GPR161: variants seen among roughly 807,000 people sequenced by gnomAD.
GPR161 encodes the protein G protein-coupled receptor 161.
Under a neutral mutation model 39.2 loss-of-function variants are expected in GPR161, and 25 were observed. That is an observed-to-expected ratio of 0.64 (90% confidence interval 0.47 to 0.89). The LOEUF is 0.89. Ranked by LOEUF, GPR161 falls within the 40% of genes least tolerant of loss-of-function variation. The probability of loss-of-function intolerance (pLI) is 0.00; values close to 1 mark genes in which losing one functional copy is unlikely to be tolerated. For synonymous variants in GPR161, 286 were observed against 276.6 expected, an observed-to-expected ratio of 1.03 and a Z score of -0.34; for missense variants, 547 against 677.8, an observed-to-expected ratio of 0.81 and a Z score of 2.14.
chr1:168,123,434 G>C (rs1403266434), intron 1 of GPR161, among the ~76,000 whole-genome samples: 1 of 151,768 alleles, frequency 6.6e-6, no homozygotes. Flanking sequence ...CCCCAGCCTG[G>C]GCAACAGAGC....
rs1359645000 is a variant in GPR161, at chr1:168,084,779, A to T, written c.*752T>A. The T allele has an allele frequency of 4.0e-5, 18 of 447,220 alleles. No homozygotes were observed. The highest frequency in any genetic ancestry group is 2.8e-4 in the Admixed American group (11 of 39,776). The allele number at this position is 447,220 out of a possible 1,614,324, so 27.7% of individuals were successfully genotyped here. ...ACGTCTTAAATGGATTTTTTTTTTA[A>T]TTCTGGAAATGAAACACCTAGTACC... On this transcript the variant is annotated 3_prime_UTR_variant, in exon 6 of 6. Coordinates refer to ENST00000682931, the MANE Select transcript of GPR161 (RefSeq NM_001375883.1).
At chr1:168,116,684 C>A (rs371365273) in intron 1 of GPR161, among the ~76,000 whole-genome samples, 2 of 152,336 alleles carry the variant, frequency 1.3e-5, no homozygotes, top group East Asian at 3.9e-4. Flanking sequence ...CCTTCCCTGG[C>A]ACTCACCTGA....
chr1:168,134,291 A>G (rs1699202854), intron 1 of GPR161, among the ~76,000 whole-genome samples: 1 of 152,196 alleles, frequency 6.6e-6, no homozygotes, highest in African/African-American at 2.4e-5. Context: ...CCCTGAACAT[A>G]TTTGCCATGA....
At chr1:168,114,129 G>A (rs1415717929) in intron 1 of GPR161, among the ~76,000 whole-genome samples, 1 of 152,130 alleles carries the variant, frequency 6.6e-6, no homozygotes, top group Non-Finnish European at 1.5e-5. Flanking sequence ...ATAAGACTAG[G>A]TTCTTTCTAT....
At chr1:168,108,685 AC>A (rs1180813388) in intron 1 of GPR161, among the ~76,000 whole-genome samples, 2 of 151,938 alleles carry the variant, frequency 1.3e-5, no homozygotes, top group Non-Finnish European at 2.9e-5. Flanking sequence ...AATATTTTAC[AC>A]ACTAAAAATT....
intron 1 of GPR161, among the ~76,000 whole-genome samples, chr1:168,134,368 CT>C (rs1699208958): frequency 6.6e-6 from 1 of 152,152 alleles, no homozygotes; most frequent in Non-Finnish European, 1.5e-5. Flanking sequence ...AGTTGTAAGC[CT>C]TTTCTCTTGG....
chr1:168,133,971 G>A, intron 1 of GPR161: 1 of 453,478 alleles, frequency 2.2e-6, no homozygotes, highest in Non-Finnish European at 2.9e-6. Flanking sequence ...GGGAGAAGGA[G>A]TAGAGAAGAG....
intron 1 of GPR161, among the ~76,000 whole-genome samples, chr1:168,126,797 G>T (rs1288279363): frequency 6.6e-6 from 1 of 152,142 alleles, no homozygotes; most frequent in East Asian, 1.9e-4. Context: ...TTCCCTTCCA[G>T]AAAGCTTATG....
At chr1:168,124,045 T>C (rs1276537831) in intron 1 of GPR161, among the ~76,000 whole-genome samples, 1 of 152,194 alleles carries the variant, frequency 6.6e-6, no homozygotes. Context: ...TGTGCTGTGA[T>C]GAATATGATG....
In GPR161 at chr1:168,082,252, C is replaced by T. The variant is rs970863096; in HGVS notation, c.*3279G>A. ...GAGCAGTGATCTACCTAAGATCACTCAGTGGCAATACCTGTGAACCTGGAT... is the reference window on the plus strand; with the variant it reads ...GAGCAGTGATCTACCTAAGATCACTTAGTGGCAATACCTGTGAACCTGGAT... On this transcript the variant is annotated 3_prime_UTR_variant, in exon 6 of 6. Coordinates refer to ENST00000682931, the MANE Select transcript of GPR161 (RefSeq NM_001375883.1). 1 of 152,176 alleles carries T rather than the reference C, an allele frequency of 6.6e-6. No homozygotes were observed. Among genetic ancestry groups the T allele is most frequent in the African/African-American group, 2.4e-5 (1 of 41,408 alleles). 9.4% of individuals were successfully genotyped at this position (152,176 alleles called of 1,614,324 possible). A position where few individuals can be genotyped will look rare whatever the true frequency, so the allele number is the denominator to read the frequency against.
intron 1 of GPR161, among the ~76,000 whole-genome samples, chr1:168,107,226 G>GA (rs199876264): frequency 4.0e-5 from 6 of 151,632 alleles, no homozygotes; most frequent in South Asian, 2.1e-4. Flanking sequence ...AAAATCAAGA[G>GA]AAAAAAAACA....
At chr1:168,096,438 G>C (rs1695545005) in intron 3 of GPR161, 70 bp downstream of exon 3, 1 of 1,496,976 alleles carries the variant, frequency 6.7e-7, no homozygotes, top group East Asian at 2.3e-5. Context: ...CCACAAACAG[G>C]CCAGAGTGGC....
At chr1:168,119,308 A>G (rs1336575847) in intron 1 of GPR161, among the ~76,000 whole-genome samples, 7 of 144,132 alleles carry the variant, frequency 4.9e-5, no homozygotes, top group Admixed American at 4.8e-4. Context: ...ACATACGTAC[A>G]TACATATTAT....
rs749671394 is a variant in GPR161 at position 168,084,940 on chromosome 1, C to G, written c.*591G>C. ...CTATTAGCACCAGCAGGTGGCGCCACTGAGGACCGCTCCGAAGCGCTCTGC... is the reference window on the plus strand; with the variant it reads ...CTATTAGCACCAGCAGGTGGCGCCAGTGAGGACCGCTCCGAAGCGCTCTGC... On this transcript the variant is annotated 3_prime_UTR_variant, in exon 6 of 6. Transcript: ENST00000682931. The G allele has an allele frequency of 2.2e-6, 1 of 456,208 alleles. No homozygotes were observed. The highest frequency in any genetic ancestry group is 4.4e-6 in the Non-Finnish European group (1 of 226,984). 28.3% of individuals were successfully genotyped at this position (456,208 alleles called of 1,614,324 possible).
chr1:168,113,920 CCT>C (rs141245281), intron 1 of GPR161, among the ~76,000 whole-genome samples: 3,068 of 152,158 alleles, frequency 0.02, 87 homozygotes, highest in African/African-American at 0.07. Context: ...ACAACAAACC[CCT>C]GTGACATGAG....
chr1:168,126,519 ACAGCCCACTGTAGC>A (rs1274861845), intron 1 of GPR161, among the ~76,000 whole-genome samples: 1 of 152,104 alleles, frequency 6.6e-6, no homozygotes, highest in Non-Finnish European at 1.5e-5. Flanking sequence ...TGGCGTGATC[ACAGCCCACTGTAGC>A]CTCGAACTCT....
At chr1:168,099,836 T>TGGGGG (rs201115778) in intron 2 of GPR161, among the ~76,000 whole-genome samples, 3 of 95,850 alleles carry the variant, frequency 3.1e-5, no homozygotes, top group East Asian at 3.4e-4. Flanking sequence ...GTTTTTTTTT[T>TGGGGG]GGGGGGGGGG....
In GPR161 at chr1:168,136,864, G is replaced by C; in HGVS notation, c.-170C>G. 1.0e-6 allele frequency: 1 copy of C among 981,398 alleles called. No homozygotes were observed. The highest frequency in any genetic ancestry group is 1.2e-6 in the Non-Finnish European group (1 of 828,458). The allele number at this position is 981,398 out of a possible 1,614,324, so 60.8% of individuals were successfully genotyped here. A position where few individuals can be genotyped will look rare whatever the true frequency, so the allele number is the denominator to read the frequency against. On this transcript the variant is annotated 5_prime_UTR_variant, in exon 1 of 6. Transcript: ENST00000682931. ...TGGAGGTTTCGGGTTTCAGCCCACCGAGCCCCGCTTCGCTCCTCCCGCGGG... is the reference window on the plus strand; with the variant it reads ...TGGAGGTTTCGGGTTTCAGCCCACCCAGCCCCGCTTCGCTCCTCCCGCGGG...
chr1:168,120,198 A>G (rs1698053270), intron 1 of GPR161, among the ~76,000 whole-genome samples: 1 of 152,218 alleles, frequency 6.6e-6, no homozygotes, highest in South Asian at 2.1e-4. Flanking sequence ...GGAGCTGCCC[A>G]AGGCTATGGG....
Sources: allele counts gnomAD v4.1 joint callset (sites outside exome capture counted in the v4.1 genomes callset), GRCh38; gene constraint gnomAD v4.1.1; transcripts MANE v1.5; gene names NCBI Gene and HGNC (gene_info 2026-07-23, HGNC 2026-07-21).